The following RPRD1A variants were observed in gnomAD, a reference collection of about 807,000 sequenced individuals.
RPRD1A encodes the protein regulation of nuclear pre-mRNA domain-containing protein 1A.
RPRD1A carries 9 observed loss-of-function variants against 37.8 expected under a neutral mutation model. The ratio of observed to expected loss-of-function variants is 0.24; its 90% CI spans 0.14 to 0.42. The LOEUF is 0.42. Among genes scored for constraint, RPRD1A ranks in the 10% least tolerant of loss-of-function variants. RPRD1A has a pLI of 1.00. For synonymous variants in RPRD1A, 138 were observed against 139.7 expected (o/e 0.99, Z 0.08); for missense variants, 255 against 371.0 (o/e 0.69, Z 2.57).
rs1908726963 is a variant in RPRD1A, at chr18:35,991,680, T to C, written c.*1471A>G. 6.6e-6 allele frequency: 1 copy of C among 152,226 alleles called. No homozygotes were observed. The highest frequency in any genetic ancestry group is 2.4e-5 in the African/African-American group (1 of 41,460). 9.4% of individuals were successfully genotyped at this position (152,226 alleles called of 1,614,324 possible). Reference sequence around the variant, plus strand: ...GTAGTGCATGGATGAGCACTACTTATATGTGTCTCTGTTTTGGAGAGAGGT... The same window carrying C: ...GTAGTGCATGGATGAGCACTACTTACATGTGTCTCTGTTTTGGAGAGAGGT... On this transcript the variant is annotated 3_prime_UTR_variant, in exon 7 of 7. Coordinates refer to ENST00000399022, the MANE Select transcript of RPRD1A (RefSeq NM_018170.5).
At chr18:36,022,339 G>T (rs74517106) in intron 6 of RPRD1A, among the ~76,000 whole-genome samples, 2 of 152,068 alleles carry the variant, frequency 1.3e-5, no homozygotes, top group Non-Finnish European at 2.9e-5. Flanking sequence ...CGTTGATGAC[G>T]GTGGCTACAC....
At chr18:36,048,010 A>G (rs1429052711) in intron 1 of RPRD1A, among the ~76,000 whole-genome samples, 2 of 152,044 alleles carry the variant, frequency 1.3e-5, no homozygotes. Flanking sequence ...CACAGCATCC[A>G]AAAAAGGAAA....
intron 6 of RPRD1A, among the ~76,000 whole-genome samples, chr18:36,007,781 T>A (rs968134034): frequency 1.3e-5 from 2 of 150,974 alleles, no homozygotes; most frequent in Non-Finnish European, 3.0e-5. Context: ...CTACCAAAAA[T>A]ACAAAAATTA....
chr18:36,011,326 A>G lies in RPRD1A; in HGVS notation c.789+15574T>C, dbSNP rs115324716. On this transcript the variant is annotated intron_variant, in intron 6 of 6. Coordinates refer to ENST00000399022, the MANE Select transcript of RPRD1A (RefSeq NM_018170.5). ...TACTGCTCCAGAGTCCCCACTCTTC[A>G]CTACAAAGCTAATCTGCCCATCCAA... Among the ~76,000 whole-genome samples the G allele has an allele frequency of 9.2e-3, 1,405 of 152,324 alleles. 12 individuals are homozygous for G. Among genetic ancestry groups the G allele is most frequent in the African/African-American group, 0.032 (1,329 of 41,558 alleles).
chr18:36,061,330 G>T (rs1014234508), intron 1 of RPRD1A, among the ~76,000 whole-genome samples: 3 of 152,118 alleles, frequency 2.0e-5, no homozygotes, highest in African/African-American at 4.8e-5. Flanking sequence ...TAAATACAGG[G>T]TGAGTAAACA....
chr18:35,990,700 T>C lies in RPRD1A; in HGVS notation c.*2451A>G, dbSNP rs994777392. 8 of 152,196 alleles carry C rather than the reference T, an allele frequency of 5.3e-5. No homozygotes were observed. Among genetic ancestry groups the C allele is most frequent in the African/African-American group, 1.9e-4 (8 of 41,462 alleles). 9.4% of individuals were successfully genotyped at this position (152,196 alleles called of 1,614,324 possible). On this transcript the variant is annotated 3_prime_UTR_variant, in exon 7 of 7. Coordinates refer to ENST00000399022, the MANE Select transcript of RPRD1A (RefSeq NM_018170.5). ...AGACCAAACTGCACTCAAAGATGCA[T>C]GATCTGCCTCAGGTGCACAGTGGAG...
Position 36,067,381 on chromosome 18 carries a change from C to T in RPRD1A, c.24G>A (p.Ala8=), listed in dbSNP as rs746454874. The change falls in exon 1 of 7, where the codon GCG becomes GCA. Residue 8 remains alanine, a synonymous_variant. Transcript: ENST00000399022. ...TCAACTCCGACAGCTTCTTCTCCAG[C>T]GCCGCCTCAGAGAAGGCTGACATCC... MSAFSEA[A]LEKKLSELSN... is the part of the protein sequence containing the mutation. The T allele has an allele frequency of 6.2e-7, 1 of 1,607,498 alleles. No homozygotes were observed. The highest frequency in any genetic ancestry group is 8.5e-7 in the Non-Finnish European group (1 of 1,177,190).
intron 6 of RPRD1A, among the ~76,000 whole-genome samples, chr18:36,011,303 C>T (rs1313318747): frequency 6.6e-6 from 1 of 152,194 alleles, no homozygotes; most frequent in African/African-American, 2.4e-5. Context: ...TTAGGTAATA[C>T]TGCTCCAGAG....
intron 6 of RPRD1A, among the ~76,000 whole-genome samples, chr18:36,009,465 G>A (rs547223538): frequency 6.6e-6 from 1 of 152,294 alleles, no homozygotes; most frequent in African/African-American, 2.4e-5. Context: ...GACATGGAAC[G>A]TTTGTGTGAA....
chr18:36,058,409 A>G (rs982078078), intron 1 of RPRD1A, among the ~76,000 whole-genome samples: 3 of 152,222 alleles, frequency 2.0e-5, no homozygotes, highest in African/African-American at 7.2e-5. Flanking sequence ...TTTATCAAGA[A>G]AAAAAGCCTG....
rs902395930 is a variant in RPRD1A at position 36,067,537 on chromosome 18, G to C, written c.-133C>G. ...TCACCACGGCCGCCGCTTCATCCAAGACCGGCCGCAAACCAGCAAGATGGC... is the reference window on the plus strand; with the variant it reads ...TCACCACGGCCGCCGCTTCATCCAACACCGGCCGCAAACCAGCAAGATGGC... On this transcript the variant is annotated 5_prime_UTR_variant, in exon 1 of 7. Transcript: ENST00000399022. 5.6e-5 allele frequency: 50 copies of C among 899,954 alleles called. No homozygotes were observed. The highest frequency in any genetic ancestry group is 6.9e-5 in the Non-Finnish European group (43 of 621,724). 55.7% of individuals were successfully genotyped at this position (899,954 alleles called of 1,614,324 possible). A position where few individuals can be genotyped will look rare whatever the true frequency, so the allele number is the denominator to read the frequency against.
At position 35,993,047 on chromosome 18, in the gene RPRD1A, AGT is replaced by A. The variant is rs1374452807; in HGVS notation, c.*102_*103del. Reference sequence around the variant, plus strand: ...TAAATTACTCGTTGTTCCTTTTGTTAGTGTTTCTTTCTCAACAATATACAAAA... The same window carrying A: ...TAAATTACTCGTTGTTCCTTTTGTTAGTTTCTTTCTCAACAATATACAAAA... On this transcript the variant is annotated 3_prime_UTR_variant, in exon 7 of 7. Coordinates refer to ENST00000399022, the MANE Select transcript of RPRD1A (RefSeq NM_018170.5). The A allele has an allele frequency of 6.4e-6, 6 of 935,310 alleles. No homozygotes were observed. The highest frequency in any genetic ancestry group is 9.0e-6 in the Non-Finnish European group (6 of 663,378). The allele number at this position is 935,310 out of a possible 1,614,324, so 57.9% of individuals were successfully genotyped here.
intron 1 of RPRD1A, among the ~76,000 whole-genome samples, chr18:36,043,986 T>A (rs1019571543): frequency 3.3e-5 from 5 of 152,246 alleles, no homozygotes; most frequent in African/African-American, 1.2e-4. Context: ...ACATATTTTG[T>A]ATGTTATATA....
At chr18:36,004,428 T>C (rs1909613876) in intron 6 of RPRD1A, among the ~76,000 whole-genome samples, 1 of 152,040 alleles carries the variant, frequency 6.6e-6, no homozygotes, top group African/African-American at 2.4e-5. Context: ...CTAATTTTTG[T>C]ATTTCTTGTA....
At chr18:36,046,182 C>G (rs1052291495) in intron 1 of RPRD1A, among the ~76,000 whole-genome samples, 1 of 152,108 alleles carries the variant, frequency 6.6e-6, no homozygotes, top group Non-Finnish European at 1.5e-5. Context: ...TCTGCCACAC[C>G]CATACCAGCA....
chr18:36,042,963 T>C (rs1487617387), intron 1 of RPRD1A, among the ~76,000 whole-genome samples: 1 of 152,210 alleles, frequency 6.6e-6, no homozygotes, highest in Non-Finnish European at 1.5e-5. Flanking sequence ...TGGATATGGA[T>C]ATATTTCTCA....
Position 36,067,349 on chromosome 18 carries a change from G to C in RPRD1A, c.56C>G (p.Ser19Trp), listed in dbSNP as rs1447718530. 6.2e-7 allele frequency: 1 copy of C among 1,608,144 alleles called. No homozygotes were observed. The highest frequency in any genetic ancestry group is 1.3e-5 in the African/African-American group (1 of 74,792). Residue 19 changes from serine to tryptophan, a missense_variant, in exon 1 of 7, where the codon TCG becomes TGG. By Grantham distance (177) the Ser-to-Trp change is radical. Transcript: ENST00000399022. Reference protein sequence around the residue: ...LEKKLSELSNSQQSVQTLSLW... With the variant: ...LEKKLSELSNWQQSVQTLSLW... Reference sequence around the variant, plus strand: ...GGACAAGGTCTGCACGCTCTGCTGCGAGTTGCTCAACTCCGACAGCTTCTT... The same window carrying C: ...GGACAAGGTCTGCACGCTCTGCTGCCAGTTGCTCAACTCCGACAGCTTCTT...
intron 6 of RPRD1A, chr18:36,025,940 G>C (rs1911338977): frequency 4.5e-6 from 1 of 223,778 alleles, no homozygotes; most frequent in Admixed American, 5.3e-5. Context: ...ATCATCTGAG[G>C]GTATTTATAC....
intron 4 of RPRD1A, among the ~76,000 whole-genome samples, chr18:36,029,874 C>T (rs1345450793): frequency 6.6e-6 from 1 of 151,504 alleles, no homozygotes; most frequent in Non-Finnish European, 1.5e-5. Flanking sequence ...GGTGCTATCT[C>T]GGTTCACTGC....
Sources: allele counts gnomAD v4.1 joint callset (sites outside exome capture counted in the v4.1 genomes callset), GRCh38; gene constraint gnomAD v4.1.1; transcripts MANE v1.5; gene names NCBI Gene and HGNC (gene_info 2026-07-23, HGNC 2026-07-21).